The following MAD1L1 variants were observed in gnomAD, a reference collection of about 807,000 sequenced individuals.
MAD1L1 encodes the protein mitotic spindle assembly checkpoint protein MAD1.
MAD1L1 carries 95 observed loss-of-function variants against 96.9 expected under a neutral mutation model. That is an observed-to-expected ratio of 0.98 (90% CI 0.83 to 1.16). The LOEUF (loss-of-function observed/expected upper bound fraction) is 1.16, where lower values mean the gene tolerates loss of function less well. Among genes scored for constraint, MAD1L1 ranks in the 50% most tolerant of loss-of-function variants. The pLI is 0.00. For missense variants in MAD1L1, 1,007 were observed against 954.4 expected, an observed-to-expected ratio of 1.06 and a Z score of -0.73; for synonymous variants, 473 against 396.6, an observed-to-expected ratio of 1.19 and a Z score of -2.29.
intron 10 of MAD1L1, among the ~76,000 whole-genome samples, chr7:2,174,585 T>G (rs1790860894): frequency 6.6e-6 from 1 of 152,070 alleles, no homozygotes; most frequent in South Asian, 2.1e-4. Flanking sequence ...GTGTATTCCG[T>G]TTCTCCTGTT....
chr7:1,871,493 G>A (rs201188638), intron 18 of MAD1L1, among the ~76,000 whole-genome samples: 56 of 133,464 alleles, frequency 4.2e-4, no homozygotes, highest in East Asian at 2.3e-4. Context: ...CCCAACCTAC[G>A]CCTGCCACGC....
chr7:1,877,330 T>C (rs915230960), intron 18 of MAD1L1, among the ~76,000 whole-genome samples: 3 of 151,928 alleles, frequency 2.0e-5, no homozygotes, highest in Non-Finnish European at 4.4e-5. Context: ...TCCCAAAGCC[T>C]AAAATATTTG....
At chr7:2,140,307 C>T (rs928669775) in intron 11 of MAD1L1, among the ~76,000 whole-genome samples, 2 of 152,230 alleles carry the variant, frequency 1.3e-5, no homozygotes, top group African/African-American at 2.4e-5. Context: ...CAGCAGCCCC[C>T]GTCCGCCCTG....
chr7:2,193,706 C>T (rs1042682748), intron 10 of MAD1L1, among the ~76,000 whole-genome samples: 2 of 152,194 alleles, frequency 1.3e-5, no homozygotes, highest in Non-Finnish European at 2.9e-5. Flanking sequence ...CTCCGGAAAA[C>T]CTCACTGTGC....
intron 10 of MAD1L1, among the ~76,000 whole-genome samples, chr7:2,180,002 T>C (rs1420344191): frequency 6.7e-6 from 1 of 150,062 alleles, no homozygotes; most frequent in Non-Finnish European, 1.5e-5. Context: ...AGAAAGAAAG[T>C]CCTGTCTTGA....
intron 16 of MAD1L1, among the ~76,000 whole-genome samples, chr7:1,943,920 T>A (rs1251560310): frequency 1.3e-5 from 2 of 152,122 alleles, no homozygotes; most frequent in Non-Finnish European, 2.9e-5. Context: ...GGTCCACCAG[T>A]TGATGACTGG....
intron 11 of MAD1L1, among the ~76,000 whole-genome samples, chr7:2,118,742 C>G (rs1787837678): frequency 6.6e-6 from 1 of 152,220 alleles, no homozygotes; most frequent in African/African-American, 2.4e-5. Flanking sequence ...GGCTCACAGT[C>G]TTCCTTCCGG....
intron 11 of MAD1L1, among the ~76,000 whole-genome samples, chr7:2,131,242 T>G (rs1788497360): frequency 6.6e-6 from 1 of 152,204 alleles, no homozygotes. Context: ...AAAGGCAGTC[T>G]TGGCCCAAAT....
intron 13 of MAD1L1, among the ~76,000 whole-genome samples, chr7:2,002,617 C>A (rs1022828353): frequency 6.6e-6 from 1 of 152,220 alleles, no homozygotes; most frequent in African/African-American, 2.4e-5. Flanking sequence ...CAAGCAGGAC[C>A]CCGACCCAGG....
intron 12 of MAD1L1, among the ~76,000 whole-genome samples, chr7:2,068,594 G>C (rs1353662084): frequency 6.6e-6 from 1 of 152,150 alleles, no homozygotes; most frequent in South Asian, 2.1e-4. Context: ...GAGCATCTGG[G>C]GACAGATTGA....
chr7:1,887,282 T>C (rs1042011487), intron 18 of MAD1L1, among the ~76,000 whole-genome samples: 20 of 152,038 alleles, frequency 1.3e-4, no homozygotes, highest in African/African-American at 1.7e-4. Flanking sequence ...TGCATGTGTG[T>C]ATGTGGCTGC....
At chr7:1,835,117 CAA>C (rs34734787) in intron 18 of MAD1L1, among the ~76,000 whole-genome samples, 38,021 of 137,310 alleles carry the variant, frequency 0.28, 5,797 homozygotes, top group East Asian at 0.45. Flanking sequence ...AGGCATTCCT[CAA>C]AAAAAAAAAA....
At chr7:1,857,527 G>A (rs996286586) in intron 18 of MAD1L1, among the ~76,000 whole-genome samples, 7 of 152,210 alleles carry the variant, frequency 4.6e-5, no homozygotes, top group African/African-American at 9.6e-5. Context: ...CGGTCCCCTC[G>A]CTGCCATCTT....
chr7:1,907,517 G>A (rs1250102470), intron 17 of MAD1L1, among the ~76,000 whole-genome samples: 1 of 152,276 alleles, frequency 6.6e-6, no homozygotes, highest in African/African-American at 2.4e-5. Flanking sequence ...GCCAAGCCAG[G>A]AGGACAATCC....
In MAD1L1 at chr7:2,142,317, CA is replaced by C. The variant is rs1000005721; in HGVS notation, c.1073+6834del. Among the ~76,000 whole-genome samples the C allele has an allele frequency of 4.6e-5, 7 of 152,226 alleles. No homozygotes were observed. Among genetic ancestry groups the C allele is most frequent in the Non-Finnish European group, 1.0e-4 (7 of 68,040 alleles). ...TCAAGGGCCCCGTTCTAGAGACAGA[CA>C]AGGAGCCTCAAAAGGCTGTCCCCTG... On this transcript the variant is annotated intron_variant, in intron 11 of 18. Transcript: ENST00000265854. The surrounding 1 kb of genome is among the most constrained non-coding windows in gnomAD (Gnocchi z 4.7).
chr7:2,049,982 G>A (rs1383201083), intron 12 of MAD1L1, among the ~76,000 whole-genome samples: 3 of 149,254 alleles, frequency 2.0e-5, no homozygotes, highest in African/African-American at 7.5e-5. Context: ...CAGACCACAC[G>A]TTCACAGGGC....
intron 17 of MAD1L1, among the ~76,000 whole-genome samples, chr7:1,916,941 A>C (rs1044175547): frequency 2.6e-5 from 4 of 152,002 alleles, no homozygotes; most frequent in African/African-American, 9.7e-5. Context: ...CTCCCATGCC[A>C]ACGAGAACCG....
chr7:2,150,529 G>C (rs901847934), intron 10 of MAD1L1, among the ~76,000 whole-genome samples: 1 of 152,094 alleles, frequency 6.6e-6, no homozygotes, highest in African/African-American at 2.4e-5. Flanking sequence ...CCTCCAAACA[G>C]AGGAAGGGCC....
At chr7:2,192,003 C>G (rs966649094) in intron 10 of MAD1L1, among the ~76,000 whole-genome samples, 3 of 151,640 alleles carry the variant, frequency 2.0e-5, no homozygotes, top group African/African-American at 7.3e-5. Context: ...TGCACTCCAG[C>G]CTGGGTGACA....
Sources: gnomAD v4.1 joint callset for allele counts (sites outside exome capture counted in the v4.1 genomes callset) on GRCh38, gnomAD v4.1.1 for gene constraint, Gnocchi (gnomAD v3.1) non-coding constraint, MANE v1.5 for transcripts, NCBI Gene and HGNC (gene_info 2026-07-23, HGNC 2026-07-21) for gene names.